CCNH: variants seen among roughly 807,000 people sequenced by gnomAD.
The protein encoded by CCNH is cyclin H, also known as cyclin-H.
In CCNH, 31 loss-of-function variants were observed where a neutral mutation model predicts 41.9. The observed-to-expected ratio is 0.74, with a 90% CI of 0.56 to 1.00. The LOEUF is 1.00. Ranked by LOEUF, CCNH falls within the 50% of genes least tolerant of loss-of-function variation. The probability of loss-of-function intolerance (pLI) is 0.00; values close to 1 mark genes in which losing one functional copy is unlikely to be tolerated. For synonymous variants in CCNH, 138 were observed against 136.1 expected (o/e 1.01, Z -0.10); for missense variants, 362 against 388.4 (o/e 0.93, Z 0.57).
intron 9 of CCNH, among the ~76,000 whole-genome samples, chr5:87,322,936 TTG>T (rs1480507964): frequency 6.6e-6 from 1 of 152,152 alleles, no homozygotes; most frequent in Admixed American, 6.5e-5. Context: ...GTCTGTGTGT[TTG>T]TGGAGATATT....
intron 2 of CCNH, among the ~76,000 whole-genome samples, chr5:87,410,428 G>C (rs1294812033): frequency 6.6e-6 from 1 of 151,674 alleles, no homozygotes; most frequent in African/African-American, 2.4e-5. Context: ...AAATTCTATG[G>C]ACTTAATATT....
At chr5:87,377,096 A>AG in exon 1 of CCNH, 1 of 1,529,718 alleles carries the variant, frequency 6.5e-7, no homozygotes, top group Admixed American at 1.7e-5. Flanking sequence ...TTTTATATCA[A>AG]GGATATATGG....
At chr5:87,323,799 C>T (rs1280103862) in intron 9 of CCNH, among the ~76,000 whole-genome samples, 5 of 151,742 alleles carry the variant, frequency 3.3e-5, no homozygotes, top group African/African-American at 1.2e-4. Flanking sequence ...TTTTCCAAGT[C>T]AGTTGCCATT....
upstream of CCNH, among the ~76,000 whole-genome samples, chr5:87,380,821 T>C (rs1403061754): frequency 6.6e-6 from 1 of 152,200 alleles, no homozygotes; most frequent in Non-Finnish European, 1.5e-5. Context: ...AGTCAAGTAT[T>C]GGGGATTTTT....
At chr5:87,412,645 C>T (rs779621852) in intron 1 of CCNH, 33 bp downstream of exon 1, 3 of 1,610,320 alleles carry the variant, frequency 1.9e-6, no homozygotes, top group Non-Finnish European at 1.7e-6. Context: ...ATTTAGTGAC[C>T]GGGCAACTGG....
downstream of CCNH, chr5:87,374,694 A>G (rs1761199158): frequency 8.5e-7 from 1 of 1,176,188 alleles, no homozygotes; most frequent in South Asian, 1.5e-5. Context: ...AAATAATAAA[A>G]TATGTTGTGA....
chr5:87,327,503 G>A (rs1211069698), intron 9 of CCNH, among the ~76,000 whole-genome samples: 9 of 152,170 alleles, frequency 5.9e-5, no homozygotes, highest in African/African-American at 1.9e-4. Flanking sequence ...ACGAGATTTG[G>A]TATGTTTAGG....
intron 9 of CCNH, among the ~76,000 whole-genome samples, chr5:87,319,106 G>A (rs1756572596): frequency 2.0e-5 from 3 of 152,252 alleles, no homozygotes; most frequent in Admixed American, 6.5e-5. Flanking sequence ...GCTGATGCAA[G>A]GGGTGGCCTC....
intron 9 of CCNH, among the ~76,000 whole-genome samples, chr5:87,346,921 T>G (rs1758904076): frequency 6.6e-6 from 1 of 151,994 alleles, no homozygotes; most frequent in Admixed American, 6.6e-5. Flanking sequence ...TCAAGTGTGT[T>G]TTTCTTTTAC....
chr5:87,333,445 C>A, intron 9 of CCNH: 2 of 1,508,968 alleles, frequency 1.3e-6, no homozygotes, highest in South Asian at 1.2e-5. Flanking sequence ...TGGCATACAG[C>A]AAGGTGAAAG....
intron 9 of CCNH, among the ~76,000 whole-genome samples, chr5:87,355,480 A>G (rs1278539763): frequency 6.6e-6 from 1 of 152,186 alleles, no homozygotes; most frequent in Non-Finnish European, 1.5e-5. Flanking sequence ...GTTGAAACCT[A>G]CTGCTCAGAA....
downstream of CCNH, among the ~76,000 whole-genome samples, chr5:87,373,438 G>A (rs988528240): frequency 1.3e-5 from 2 of 152,078 alleles, no homozygotes; most frequent in South Asian, 4.1e-4. Flanking sequence ...AGGACAGAGA[G>A]GTGGAGGGTC....
chr5:87,394,476 C>G lies in CCNH; in HGVS notation c.942G>C (p.Trp314Cys), dbSNP rs1762761064. The G allele has an allele frequency of 6.2e-7, 1 of 1,613,416 alleles. No individual in the cohort carries two copies. Among genetic ancestry groups the G allele is most frequent in the Non-Finnish European group, 8.5e-7 (1 of 1,179,648 alleles). The stretch of plus-strand genomic sequence containing the variant: ...GAGATTCTACCAGGTCGTCATCAGT[C>G]CATTCTTCCTAAGAAGGAAAAAAAG... ...SKKSKHEEEE[W>C]TDDDLVESL Residue 314 changes from tryptophan (W) to cysteine (C), a missense_variant, in exon 9 of 9, where the codon TGG becomes TGC. Trp to Cys is a radical substitution (Grantham distance 215). Coordinates refer to ENST00000256897, the MANE Select transcript of CCNH (RefSeq NM_001239.4).
chr5:87,404,955 T>C lies in CCNH; in HGVS notation c.578A>G (p.Asp193Gly). ...NPEILRKTAD[D>G]FLNRIALTDA... ...CGTCAATGCAATTCTATTAAGAAAG[T>C]CATCAGCTGTTTTCCTCAAAATCTC... Residue 193 changes from aspartate to glycine, a missense_variant, in exon 5 of 9, where the codon GAC becomes GGC. Coordinates refer to ENST00000256897, the MANE Select transcript of CCNH (RefSeq NM_001239.4). 1 of 1,613,364 alleles carries C rather than the reference T, an allele frequency of 6.2e-7. No individual in the cohort carries two copies. The highest frequency in any genetic ancestry group is 8.5e-7 in the Non-Finnish European group (1 of 1,179,524).
intron 9 of CCNH, among the ~76,000 whole-genome samples, chr5:87,340,630 A>G (rs1758363717): frequency 6.6e-6 from 1 of 152,124 alleles, no homozygotes; most frequent in Admixed American, 6.6e-5. Flanking sequence ...AAACATAGTA[A>G]AAGGGGGATG....
chr5:87,371,072 C>T, intron 9 of CCNH, among the ~76,000 whole-genome samples: 1 of 151,952 alleles, frequency 6.6e-6, no homozygotes, highest in Admixed American at 6.6e-5. Context: ...GAAATTTAAA[C>T]TTCAGTATCC....
At chr5:87,333,469 G>A (rs1248127424) in intron 9 of CCNH, 1 of 1,380,330 alleles carries the variant, frequency 7.2e-7, no homozygotes, top group African/African-American at 1.5e-5. Context: ...TTTTGATATT[G>A]GGTCTGTTGG....
chr5:87,336,827 A>G (rs751624713), intron 9 of CCNH, among the ~76,000 whole-genome samples: 15 of 152,098 alleles, frequency 9.9e-5, no homozygotes, highest in Admixed American at 2.0e-4. Flanking sequence ...CCATTCAGCT[A>G]GTGAAATATT....
At chr5:87,325,447 C>G (rs761803209) in intron 9 of CCNH, among the ~76,000 whole-genome samples, 1 of 152,178 alleles carries the variant, frequency 6.6e-6, no homozygotes, top group African/African-American at 2.4e-5. Context: ...AACTTGAAAT[C>G]ACCAATTTAG....
Sources: allele counts gnomAD v4.1 joint callset (sites outside exome capture counted in the v4.1 genomes callset), GRCh38; gene constraint gnomAD v4.1.1; transcripts MANE v1.5; gene names NCBI Gene and HGNC (gene_info 2026-07-23, HGNC 2026-07-21).